KIAA1328: variants seen among roughly 807,000 people sequenced by gnomAD.
KIAA1328 encodes KIAA1328.
Under a neutral mutation model 68.1 loss-of-function variants are expected in KIAA1328, and 52 were observed. That is an observed-to-expected ratio of 0.76 (90% CI 0.61 to 0.96). The LOEUF is 0.96. KIAA1328 is among the 40% of genes least tolerant of loss of function. KIAA1328 has a pLI of 0.00. For synonymous variants in KIAA1328, 232 were observed against 239.4 expected (o/e 0.97, Z 0.28); for missense variants, 641 against 677.6 (o/e 0.95, Z 0.60).
At chr18:37,085,457 G>A (rs72892518) in intron 7 of KIAA1328, among the ~76,000 whole-genome samples, 20,280 of 152,024 alleles carry the variant, frequency 0.13, 1,737 homozygotes, top group Non-Finnish European at 0.18. Flanking sequence ...CTCTCACCTG[G>A]TTTACATAGC....
At chr18:37,207,846 A>C (rs1475687454) in intron 9 of KIAA1328, among the ~76,000 whole-genome samples, 1 of 152,268 alleles carries the variant, frequency 6.6e-6, no homozygotes, top group Middle Eastern at 3.4e-3. Context: ...AGTTTCGCTC[A>C]TTGCCCAGGC....
At chr18:37,212,610 G>A (rs978147397) in intron 9 of KIAA1328, among the ~76,000 whole-genome samples, 1 of 152,072 alleles carries the variant, frequency 6.6e-6, no homozygotes, top group Non-Finnish European at 1.5e-5. Context: ...GCAAAAAATT[G>A]TATTTTGGGT....
At chr18:36,977,363 C>G (rs9304168) in intron 6 of KIAA1328, among the ~76,000 whole-genome samples, 90,643 of 152,038 alleles carry the variant, frequency 0.6, 28,871 homozygotes, top group East Asian at 0.87. Context: ...TTTTGTCAAT[C>G]TATTGCTCTG....
intron 9 of KIAA1328, among the ~76,000 whole-genome samples, chr18:37,212,343 A>C (rs1246397000): frequency 1.3e-5 from 2 of 152,232 alleles, no homozygotes; most frequent in African/African-American, 2.4e-5. Context: ...TTGAATTTAC[A>C]GATTTTCATA....
At chr18:37,113,507 A>T (rs914147095) in intron 7 of KIAA1328, among the ~76,000 whole-genome samples, 1 of 152,254 alleles carries the variant, frequency 6.6e-6, no homozygotes, top group Non-Finnish European at 1.5e-5. Flanking sequence ...TCCTGAAGGA[A>T]TCACTGAACG....
chr18:37,104,188 A>C (rs1363114683), intron 7 of KIAA1328, among the ~76,000 whole-genome samples: 2 of 152,198 alleles, frequency 1.3e-5, no homozygotes, highest in African/African-American at 4.8e-5. Flanking sequence ...AAGGAAAGGA[A>C]ATCAGTTATC....
In KIAA1328 at chr18:36,843,910, A is replaced by T. The variant is rs367778387; in HGVS notation, c.238-298A>T. ...CAGTTCTCAGTATCTTCTGTTGAGTATTTGTTTCTATGACATTCACAAAGG... is the reference window on the plus strand; with the variant it reads ...CAGTTCTCAGTATCTTCTGTTGAGTTTTTGTTTCTATGACATTCACAAAGG... On this transcript the variant is annotated intron_variant, in intron 3 of 9. Coordinates refer to ENST00000280020, the MANE Select transcript of KIAA1328 (RefSeq NM_020776.3). Among the ~76,000 whole-genome samples, 3 of 152,134 alleles carry T rather than the reference A, an allele frequency of 2.0e-5. No individual in the cohort carries two copies. The East Asian group carries it at 5.8e-4, about 29-fold the overall frequency.
chr18:37,174,565 T>G (rs896039517), intron 9 of KIAA1328, among the ~76,000 whole-genome samples: 6 of 88,640 alleles, frequency 6.8e-5, no homozygotes, highest in African/African-American at 5.4e-4. Flanking sequence ...TTTTGGATTT[T>G]TATTTTTATT....
At chr18:36,900,686 A>G (rs886098903) in intron 5 of KIAA1328, among the ~76,000 whole-genome samples, 1 of 152,008 alleles carries the variant, frequency 6.6e-6, no homozygotes, top group South Asian at 2.1e-4. Context: ...TAATGGTTTC[A>G]TTTGCATTTC....
intron 5 of KIAA1328, among the ~76,000 whole-genome samples, chr18:36,931,239 A>G (rs544085935): frequency 6.6e-6 from 1 of 152,252 alleles, no homozygotes; most frequent in Non-Finnish European, 1.5e-5. Flanking sequence ...GCTGCAGACC[A>G]GTACTGGTTA....
At chr18:37,066,083 G>C (rs1378056356) in intron 6 of KIAA1328, among the ~76,000 whole-genome samples, 2 of 152,188 alleles carry the variant, frequency 1.3e-5, no homozygotes, top group Non-Finnish European at 2.9e-5. Context: ...TTTCATGTTT[G>C]ACAAGCACCC....
chr18:36,831,544 A>G (rs991371401), intron 1 of KIAA1328, among the ~76,000 whole-genome samples: 1 of 152,336 alleles, frequency 6.6e-6, no homozygotes. Flanking sequence ...CCTAAATTTG[A>G]CTGCTTAAAT....
intron 7 of KIAA1328, among the ~76,000 whole-genome samples, chr18:37,150,703 A>G (rs2059009683): frequency 6.6e-6 from 1 of 152,176 alleles, no homozygotes; most frequent in Non-Finnish European, 1.5e-5. Context: ...GTAATTTGTG[A>G]TATTAACATA....
chr18:37,157,528 C>T (rs1457928883), intron 7 of KIAA1328, among the ~76,000 whole-genome samples: 1 of 151,838 alleles, frequency 6.6e-6, no homozygotes, highest in Non-Finnish European at 1.5e-5. Flanking sequence ...ATTACCTCAT[C>T]CTAGCCAAGT....
chr18:37,105,957 T>C (rs925025537), intron 7 of KIAA1328, among the ~76,000 whole-genome samples: 1 of 91,080 alleles, frequency 1.1e-5, no homozygotes, highest in African/African-American at 4.4e-5. Context: ...AATTATAGTA[T>C]AAAAGGTATT....
chr18:36,976,733 C>T (rs933171613), intron 6 of KIAA1328, among the ~76,000 whole-genome samples: 11 of 151,948 alleles, frequency 7.2e-5, no homozygotes, highest in East Asian at 3.9e-4. Flanking sequence ...TCTCAAATAC[C>T]TGCGTAGATT....
intron 9 of KIAA1328, among the ~76,000 whole-genome samples, chr18:37,198,938 G>C (rs929129804): frequency 1.3e-5 from 2 of 152,158 alleles, no homozygotes; most frequent in African/African-American, 4.8e-5. Flanking sequence ...TATTGGACCT[G>C]ATTTTGTTTG....
intron 6 of KIAA1328, among the ~76,000 whole-genome samples, chr18:37,028,715 G>C: frequency 6.6e-6 from 1 of 152,070 alleles, no homozygotes; most frequent in Admixed American, 6.6e-5. Flanking sequence ...CCTAGTTGTT[G>C]AGGGTTTTTA....
intron 6 of KIAA1328, among the ~76,000 whole-genome samples, chr18:37,061,667 A>G (rs1400626567): frequency 6.6e-6 from 1 of 152,138 alleles, no homozygotes; most frequent in Non-Finnish European, 1.5e-5. Context: ...AAATACATCT[A>G]TTTCATTCAG....
Sources: gnomAD v4.1 joint callset for allele counts (sites outside exome capture counted in the v4.1 genomes callset) on GRCh38, gnomAD v4.1.1 for gene constraint, MANE v1.5 for transcripts, NCBI Gene and HGNC (gene_info 2026-07-23, HGNC 2026-07-21) for gene names.